The following TRPS1 variants were observed in gnomAD, a reference collection of about 807,000 sequenced individuals.
TRPS1 encodes the protein zinc finger transcription factor Trps1.
In TRPS1, 6 loss-of-function variants were observed where a neutral mutation model predicts 101.2. The observed-to-expected ratio is 0.06, with a 90% CI of 0.03 to 0.12. TRPS1 has a LOEUF of 0.12. Among genes scored for constraint, TRPS1 ranks in the 10% least tolerant of loss-of-function variants. TRPS1 has a pLI of 1.00. For missense variants in TRPS1, 1,363 were observed against 1,567.0 expected, an observed-to-expected ratio of 0.87 and a Z score of 2.20; for synonymous variants, 578 against 589.8, an observed-to-expected ratio of 0.98 and a Z score of 0.29.
chr8:115,531,409 C>A (rs1055727686), intron 5 of TRPS1, among the ~76,000 whole-genome samples: 6 of 152,146 alleles, frequency 3.9e-5, no homozygotes, highest in African/African-American at 1.4e-4. Context: ...CCATTAACTA[C>A]GGCCCTAACC....
chr8:115,600,758 CCTA>C (rs774098137), intron 4 of TRPS1, among the ~76,000 whole-genome samples: 3 of 151,276 alleles, frequency 2.0e-5, no homozygotes, highest in Non-Finnish European at 4.4e-5. Flanking sequence ...AAGTAATCCT[CCTA>C]CTCGTGCCAA....
chr8:115,637,568 G>T (rs1818798844), intron 1 of TRPS1, among the ~76,000 whole-genome samples: 1 of 152,152 alleles, frequency 6.6e-6, no homozygotes, highest in Non-Finnish European at 1.5e-5. Context: ...CAGAATTTAT[G>T]TGCTATGATC....
At chr8:115,519,013 A>C (rs1437876254) in intron 5 of TRPS1, among the ~76,000 whole-genome samples, 1 of 151,798 alleles carries the variant, frequency 6.6e-6, no homozygotes, top group African/African-American at 2.4e-5. Context: ...ATATATGTGC[A>C]GTAGTTACAC....
chr8:115,478,862 T>C (rs1814678312), intron 5 of TRPS1, among the ~76,000 whole-genome samples: 2 of 147,372 alleles, frequency 1.4e-5, no homozygotes, highest in South Asian at 4.3e-4. Context: ...TATATATGTG[T>C]ATATATGTGT....
intron 1 of TRPS1, among the ~76,000 whole-genome samples, chr8:115,667,643 C>T (rs1329036513): frequency 2.0e-5 from 3 of 152,222 alleles, no homozygotes; most frequent in Non-Finnish European, 2.9e-5. Context: ...ACGGACAGGG[C>T]ACAGACCGCT....
intron 1 of TRPS1, among the ~76,000 whole-genome samples, chr8:115,665,624 G>A (rs1175075241): frequency 6.6e-6 from 1 of 152,026 alleles, no homozygotes; most frequent in Non-Finnish European, 1.5e-5. Flanking sequence ...ATCCTAAACT[G>A]GTTTTCAAAC....
At chr8:115,547,798 T>G (rs1294775594) in intron 5 of TRPS1, among the ~76,000 whole-genome samples, 1 of 152,320 alleles carries the variant, frequency 6.6e-6, no homozygotes, top group East Asian at 1.9e-4. Context: ...GTTTTCCTTT[T>G]GTGTCCTGTT....
chr8:115,570,420 T>G (rs1204280670), intron 5 of TRPS1, among the ~76,000 whole-genome samples: 1 of 152,058 alleles, frequency 6.6e-6, no homozygotes, highest in African/African-American at 2.4e-5. Flanking sequence ...AAATGCATAT[T>G]TCCTCATATA....
rs1319914054 is a variant in TRPS1, at chr8:115,418,326, T to G, written c.2823+4A>C. ...TTTCCTGAAAGAGTGGAACAAGTTCTTACCGAGTGAAGCTTCTGGTAGAGG... is the reference window on the plus strand; with the variant it reads ...TTTCCTGAAAGAGTGGAACAAGTTCGTACCGAGTGAAGCTTCTGGTAGAGG... On this transcript the variant is annotated splice_donor_region_variant and intron_variant, in intron 6 of 6. Transcript: ENST00000395715. This position sits in a 1 kb window ranked among gnomAD's most constrained non-coding sequence, Gnocchi z 4.3. 6.2e-7 allele frequency: 1 copy of G among 1,614,128 alleles called. No individual in the cohort carries two copies. The highest frequency in any genetic ancestry group is 1.1e-5 in the South Asian group (1 of 91,086).
At chr8:115,628,091 G>A (rs1415681372) in intron 1 of TRPS1, among the ~76,000 whole-genome samples, 2 of 151,796 alleles carry the variant, frequency 1.3e-5, no homozygotes, top group African/African-American at 4.8e-5. Flanking sequence ...GCATGTGTGT[G>A]TATCTCTAAA....
At chr8:115,466,892 G>A (rs1163236378) in intron 5 of TRPS1, among the ~76,000 whole-genome samples, 1 of 151,152 alleles carries the variant, frequency 6.6e-6, no homozygotes, top group Non-Finnish European at 1.5e-5. Context: ...ATGTTACATT[G>A]CTTCATTTTG....
At chr8:115,505,192 GA>G (rs1178333213) in intron 5 of TRPS1, among the ~76,000 whole-genome samples, 18 of 152,066 alleles carry the variant, frequency 1.2e-4, no homozygotes, top group African/African-American at 4.3e-4. Flanking sequence ...CAAATGTACA[GA>G]AAAGACAAAG....
intron 5 of TRPS1, among the ~76,000 whole-genome samples, chr8:115,425,674 C>T (rs1813170330): frequency 6.6e-6 from 1 of 152,168 alleles, no homozygotes; most frequent in Non-Finnish European, 1.5e-5. Flanking sequence ...AGCAGAAAAT[C>T]ACTATTTCCC....
At chr8:115,551,412 T>A (rs544312771) in intron 5 of TRPS1, among the ~76,000 whole-genome samples, 1 of 152,200 alleles carries the variant, frequency 6.6e-6, no homozygotes, top group Non-Finnish European at 1.5e-5. Flanking sequence ...TATGATGTAG[T>A]GTTTTCCTCT....
chr8:115,643,123 T>TG (rs1818941690), intron 1 of TRPS1, among the ~76,000 whole-genome samples: 4 of 152,202 alleles, frequency 2.6e-5, no homozygotes, highest in Admixed American at 2.6e-4. Context: ...AACAGTCACC[T>TG]GAGTCTTGAG....
At chr8:115,593,768 C>T (rs1344741795) in intron 4 of TRPS1, among the ~76,000 whole-genome samples, 3 of 152,150 alleles carry the variant, frequency 2.0e-5, no homozygotes, top group Admixed American at 1.3e-4. Flanking sequence ...TTTCTCAAGA[C>T]CCAACTTAAC....
In TRPS1 at chr8:115,547,313, C is replaced by T. The variant is rs540597550; in HGVS notation, c.2700+39688G>A. Among the ~76,000 whole-genome samples, 8 of 152,158 alleles carry T rather than the reference C, an allele frequency of 5.3e-5. 1 individual carries two copies. In the South Asian group the frequency reaches 1.7e-3, roughly 32 times the overall value. On this transcript the variant is annotated intron_variant, in intron 5 of 6. Coordinates refer to ENST00000395715, the MANE Select transcript of TRPS1 (RefSeq NM_014112.5). ...CCTCTCGCCCTCCCCTTCCCTTTCT[C>T]CCTCTCTCTCTTCCCTTCTATAGCC...
chr8:115,455,187 G>C (rs977517226), intron 5 of TRPS1, among the ~76,000 whole-genome samples: 7 of 152,172 alleles, frequency 4.6e-5, no homozygotes, highest in Admixed American at 4.6e-4. Flanking sequence ...AAAGGCAAAA[G>C]AAATGTAAAT....
chr8:115,629,411 C>G (rs539826817), intron 1 of TRPS1, among the ~76,000 whole-genome samples: 43 of 151,796 alleles, frequency 2.8e-4, no homozygotes, highest in African/African-American at 1.0e-3. Context: ...GATAAAACAT[C>G]TACATACAAT....
Sources: gnomAD v4.1 joint callset for allele counts (sites outside exome capture counted in the v4.1 genomes callset) on GRCh38, gnomAD v4.1.1 for gene constraint, Gnocchi (gnomAD v3.1) non-coding constraint, MANE v1.5 for transcripts, NCBI Gene and HGNC (gene_info 2026-07-23, HGNC 2026-07-21) for gene names.